SLC16A10: variants seen among roughly 807,000 people sequenced by gnomAD.
SLC16A10 encodes monocarboxylate transporter 10.
Under a neutral mutation model 40.0 loss-of-function variants are expected in SLC16A10, and 27 were observed. The ratio of observed to expected loss-of-function variants is 0.67; its 90% CI spans 0.50 to 0.93. SLC16A10 has a LOEUF of 0.93. Ranked by LOEUF, SLC16A10 falls within the 40% of genes least tolerant of loss-of-function variation. The probability of loss-of-function intolerance (pLI) is 0.00; values close to 1 mark genes in which losing one functional copy is unlikely to be tolerated. For synonymous variants in SLC16A10, 213 were observed against 249.8 expected, an observed-to-expected ratio of 0.85 and a Z score of 1.39; for missense variants, 529 against 658.2, an observed-to-expected ratio of 0.80 and a Z score of 2.15.
At chr6:111,118,679 CAAAAAAAA>C (rs74273023) in intron 1 of SLC16A10, among the ~76,000 whole-genome samples, 1 of 66,554 alleles carries the variant, frequency 1.5e-5, no homozygotes, top group East Asian at 4.5e-4. Flanking sequence ...GCCTCCGTCT[CAAAAAAAA>C]AAAAAAAAAA....
intron 1 of SLC16A10, among the ~76,000 whole-genome samples, chr6:111,089,173 A>G (rs1770928967): frequency 6.6e-6 from 1 of 152,112 alleles, no homozygotes; most frequent in Admixed American, 6.6e-5. Flanking sequence ...TATGCATATG[A>G]GGAATGGGCA....
intron 1 of SLC16A10, among the ~76,000 whole-genome samples, chr6:111,130,267 A>G (rs1165511065): frequency 1.3e-5 from 2 of 152,218 alleles, no homozygotes; most frequent in African/African-American, 2.4e-5. Context: ...AGTCAACACA[A>G]TATTTCTAGG....
intron 1 of SLC16A10, among the ~76,000 whole-genome samples, chr6:111,089,851 TG>T (rs1401428694): frequency 1.3e-5 from 2 of 151,852 alleles, no homozygotes; most frequent in East Asian, 3.9e-4. Context: ...AGCAGTCTTT[TG>T]TTTATCATTG....
At chr6:111,108,709 G>A (rs74654823) in intron 1 of SLC16A10, among the ~76,000 whole-genome samples, 1 of 152,242 alleles carries the variant, frequency 6.6e-6, no homozygotes, top group African/African-American at 2.4e-5. Flanking sequence ...GAAATTTGAG[G>A]TTTCCATTCA....
intron 3 of SLC16A10, among the ~76,000 whole-genome samples, chr6:111,195,423 A>G (rs1773063912): frequency 6.6e-6 from 1 of 152,184 alleles, no homozygotes; most frequent in African/African-American, 2.4e-5. Context: ...GCTTGAGAGG[A>G]GGTGGTGACA....
At chr6:111,121,452 T>G (rs1771582221) in intron 1 of SLC16A10, among the ~76,000 whole-genome samples, 1 of 152,154 alleles carries the variant, frequency 6.6e-6, no homozygotes, top group African/African-American at 2.4e-5. Flanking sequence ...TACCAGCTAC[T>G]TCGGAGGCTG....
At chr6:111,211,713 C>T (rs534914383) in intron 4 of SLC16A10, among the ~76,000 whole-genome samples, 6 of 152,332 alleles carry the variant, frequency 3.9e-5, no homozygotes, top group Non-Finnish European at 7.4e-5. Flanking sequence ...ATGCTGGACT[C>T]GTTCCCTTAT....
intron 3 of SLC16A10, among the ~76,000 whole-genome samples, chr6:111,200,885 A>G (rs1440973190): frequency 6.6e-6 from 1 of 152,240 alleles, no homozygotes; most frequent in African/African-American, 2.4e-5. Flanking sequence ...AATGCAGTAA[A>G]TGAGAAGCAA....
At chr6:111,214,179 TTATGA>T in intron 4 of SLC16A10, among the ~76,000 whole-genome samples, 1 of 152,312 alleles carries the variant, frequency 6.6e-6, no homozygotes, top group East Asian at 1.9e-4. Flanking sequence ...TATTATATAT[TTATGA>T]TATATTTCCT....
intron 1 of SLC16A10, among the ~76,000 whole-genome samples, chr6:111,115,398 A>G (rs569720737): frequency 5.3e-5 from 8 of 152,294 alleles, no homozygotes; most frequent in African/African-American, 1.7e-4. Flanking sequence ...GAGTAGAGAC[A>G]AGGTTTTGCC....
chr6:111,188,956 C>T (rs1772946337), intron 3 of SLC16A10, among the ~76,000 whole-genome samples: 1 of 152,118 alleles, frequency 6.6e-6, no homozygotes, highest in East Asian at 1.9e-4. Flanking sequence ...ACAGAGTTGC[C>T]ATTAGAATAG....
chr6:111,136,990 T>A (rs561293471), intron 1 of SLC16A10, among the ~76,000 whole-genome samples: 2 of 152,326 alleles, frequency 1.3e-5, no homozygotes, highest in East Asian at 3.9e-4. Flanking sequence ...AGGAAGCCAT[T>A]AAGAAACTAT....
intron 1 of SLC16A10, among the ~76,000 whole-genome samples, chr6:111,159,612 A>T: frequency 6.6e-6 from 1 of 152,178 alleles, no homozygotes; most frequent in Middle Eastern, 3.2e-3. Context: ...AAGTTTTTGT[A>T]TAGGCATATG....
In SLC16A10 at chr6:111,222,271, T is replaced by C. The variant is rs771541349; in HGVS notation, c.*36T>C. Reference sequence around the variant, plus strand: ...ACCTCCACCAGACTGGACTTGCTTTTTGAATTTTAAGCAAGTTTCCTTTCC... The same window carrying C: ...ACCTCCACCAGACTGGACTTGCTTTCTGAATTTTAAGCAAGTTTCCTTTCC... On this transcript the variant is annotated 3_prime_UTR_variant, in exon 6 of 6. Coordinates refer to ENST00000368851, the MANE Select transcript of SLC16A10 (RefSeq NM_018593.5). The C allele has an allele frequency of 1.1e-4, 174 of 1,547,044 alleles. No homozygotes were observed. The highest frequency in any genetic ancestry group is 1.4e-4 in the Non-Finnish European group (167 of 1,159,328).
intron 1 of SLC16A10, among the ~76,000 whole-genome samples, chr6:111,100,352 A>G (rs1323448385): frequency 1.3e-5 from 2 of 152,074 alleles, no homozygotes; most frequent in African/African-American, 4.8e-5. Flanking sequence ...ATTGGTTTTG[A>G]ATTTGTAATT....
At chr6:111,124,593 G>A (rs1200420089) in intron 1 of SLC16A10, among the ~76,000 whole-genome samples, 1 of 152,126 alleles carries the variant, frequency 6.6e-6, no homozygotes, top group Admixed American at 6.5e-5. Flanking sequence ...CAACTCCTGG[G>A]CTCGGGCCAT....
intron 1 of SLC16A10, among the ~76,000 whole-genome samples, chr6:111,167,028 G>A (rs1232242513): frequency 6.6e-6 from 1 of 152,140 alleles, no homozygotes; most frequent in Admixed American, 6.5e-5. Flanking sequence ...TGTTCTGATC[G>A]AACCACTTTT....
rs534149379 is a variant in SLC16A10 at position 111,197,401 on chromosome 6, C to A, written c.943-9191C>A. 6.6e-5 allele frequency among the ~76,000 whole-genome samples: 10 copies of A among 152,248 alleles called. 1 individual carries two copies. In the South Asian group the frequency reaches 1.2e-3, roughly 19 times the overall value. On this transcript the variant is annotated intron_variant, in intron 3 of 5. Coordinates refer to ENST00000368851, the MANE Select transcript of SLC16A10 (RefSeq NM_018593.5). ...TCTTTGTTTCTTTCAAAAATCAAATCTTTAAGTTAAAATTTCAATAACCAA... is the reference window on the plus strand; with the variant it reads ...TCTTTGTTTCTTTCAAAAATCAAATATTTAAGTTAAAATTTCAATAACCAA...
rs371847765 is a variant in SLC16A10, at chr6:111,104,029, G to GACTCC, written c.343+15937_343+15941dup. ...TTCGTGGCCCAGGTTCTTTATACTTGACTCCACACTGGGCTTATTAAGTGA... is the reference window on the plus strand; with the variant it reads ...TTCGTGGCCCAGGTTCTTTATACTTGACTCCACTCCACACTGGGCTTATTAAGTGA... On this transcript the variant is annotated intron_variant, in intron 1 of 5. Transcript: ENST00000368851. Among the ~76,000 whole-genome samples the GACTCC allele has an allele frequency of 5.0e-3, 757 of 152,280 alleles. 8 individuals carry two copies. Among genetic ancestry groups the GACTCC allele is most frequent in the African/African-American group, 0.017 (695 of 41,564 alleles).
Sources: gnomAD v4.1 joint callset for allele counts (sites outside exome capture counted in the v4.1 genomes callset) on GRCh38, gnomAD v4.1.1 for gene constraint, MANE v1.5 for transcripts, NCBI Gene and HGNC (gene_info 2026-07-23, HGNC 2026-07-21) for gene names.